VTA1: variants seen among roughly 807,000 people sequenced by gnomAD.
VTA1 encodes the protein vesicle trafficking 1.
Under a neutral mutation model 36.9 loss-of-function variants are expected in VTA1, and 24 were observed. That is an observed-to-expected ratio of 0.65 (90% CI 0.47 to 0.91). VTA1 has a LOEUF of 0.91. VTA1 is among the 40% of genes least tolerant of loss of function. The pLI, the probability that VTA1 is intolerant of heterozygous loss-of-function variation, is 0.00. For synonymous variants in VTA1, 142 were observed against 130.2 expected, an observed-to-expected ratio of 1.09 and a Z score of -0.62; for missense variants, 393 against 377.2, an observed-to-expected ratio of 1.04 and a Z score of -0.35.
intron 5 of VTA1, among the ~76,000 whole-genome samples, chr6:142,190,231 G>A (rs1056177855): frequency 6.6e-6 from 1 of 152,130 alleles, no homozygotes; most frequent in Non-Finnish European, 1.5e-5. Flanking sequence ...AAATTGTAGA[G>A]TATATAAAAA....
At chr6:142,207,929 CA>C (rs986083517) in intron 7 of VTA1, among the ~76,000 whole-genome samples, 2 of 151,062 alleles carry the variant, frequency 1.3e-5, no homozygotes, top group Non-Finnish European at 3.0e-5. Context: ...ACTGAAAATA[CA>C]AAAAAAATTA....
At chr6:142,187,576 A>G (rs1775363412) in intron 4 of VTA1, among the ~76,000 whole-genome samples, 1 of 152,134 alleles carries the variant, frequency 6.6e-6, no homozygotes, top group South Asian at 2.1e-4. Context: ...TCCCCACCCC[A>G]CAGAGTGAAC....
intron 1 of VTA1, among the ~76,000 whole-genome samples, chr6:142,153,032 G>A (rs1778596922): frequency 6.6e-6 from 1 of 151,976 alleles, no homozygotes; most frequent in Admixed American, 6.5e-5. Flanking sequence ...AATTGTTCTT[G>A]TGTGCCCCTC....
intron 4 of VTA1, among the ~76,000 whole-genome samples, chr6:142,187,116 C>T (rs761151818): frequency 5.9e-5 from 9 of 152,112 alleles, no homozygotes; most frequent in Admixed American, 1.3e-4. Flanking sequence ...ATATATAAAA[C>T]ATAATTCATA....
intron 7 of VTA1, among the ~76,000 whole-genome samples, chr6:142,205,679 T>C (rs1462276507): frequency 2.6e-5 from 4 of 152,076 alleles, no homozygotes; most frequent in Non-Finnish European, 5.9e-5. Flanking sequence ...GCTCCAAAAT[T>C]AGAATAGGAA....
chr6:142,162,327 T>C (rs1774826502), intron 1 of VTA1, among the ~76,000 whole-genome samples: 1 of 152,188 alleles, frequency 6.6e-6, no homozygotes, highest in Non-Finnish European at 1.5e-5. Flanking sequence ...AATTGATCTA[T>C]CAAGTAGCTA....
At chr6:142,165,980 C>T (rs867067688) in intron 1 of VTA1, among the ~76,000 whole-genome samples, 95 of 133,398 alleles carry the variant, frequency 7.1e-4, no homozygotes, top group Middle Eastern at 4.1e-3. Context: ...ACCTAGTCCT[C>T]TTTTTTTTTT....
chr6:142,188,755 T>A (rs1775395402), intron 4 of VTA1, among the ~76,000 whole-genome samples: 1 of 151,596 alleles, frequency 6.6e-6, no homozygotes, highest in African/African-American at 2.4e-5. Context: ...ATATTTTTAA[T>A]GCAAATTTTT....
At chr6:142,150,024 A>G (rs909091053) in intron 1 of VTA1, among the ~76,000 whole-genome samples, 2 of 151,586 alleles carry the variant, frequency 1.3e-5, no homozygotes, top group Admixed American at 6.6e-5. Context: ...TCACCTCCCT[A>G]TATTTTATTG....
At chr6:142,164,813 A>C (rs572693901) in intron 1 of VTA1, among the ~76,000 whole-genome samples, 1 of 152,210 alleles carries the variant, frequency 6.6e-6, no homozygotes, top group South Asian at 2.1e-4. Context: ...AGAATGAGCT[A>C]TTCTTTCATT....
At chr6:142,152,540 ATAATAT>A (rs1778587898) in intron 1 of VTA1, among the ~76,000 whole-genome samples, 1 of 152,174 alleles carries the variant, frequency 6.6e-6, no homozygotes, top group African/African-American at 2.4e-5. Flanking sequence ...ATGGCAATAA[ATAATAT>A]TAATACATAA....
chr6:142,214,954 G>C (rs1582908128), intron 7 of VTA1, among the ~76,000 whole-genome samples: 4 of 151,902 alleles, frequency 2.6e-5, no homozygotes, highest in African/African-American at 9.7e-5. Flanking sequence ...TCTCCTTACT[G>C]CTTAGTATTT....
intron 1 of VTA1, among the ~76,000 whole-genome samples, chr6:142,151,094 A>C (rs1269146078): frequency 6.6e-6 from 1 of 152,104 alleles, no homozygotes; most frequent in Non-Finnish European, 1.5e-5. Flanking sequence ...ATCTCCGAAG[A>C]GGGAGGAGTT....
chr6:142,208,085 CAAAAAAAAAA>C (rs567010868), intron 7 of VTA1, among the ~76,000 whole-genome samples: 15 of 99,500 alleles, frequency 1.5e-4, no homozygotes, highest in Non-Finnish European at 2.5e-4. Flanking sequence ...AGACTTCCAT[CAAAAAAAAAA>C]AAAAAAAAAA....
At chr6:142,173,607 G>T (rs1250788905) in intron 4 of VTA1, among the ~76,000 whole-genome samples, 2 of 152,174 alleles carry the variant, frequency 1.3e-5, no homozygotes, top group Non-Finnish European at 2.9e-5. Context: ...TAACAATGGT[G>T]AATCCAGCCA....
intron 5 of VTA1, among the ~76,000 whole-genome samples, chr6:142,198,119 A>ATGTGTGTG (rs71021658): frequency 0.025 from 2,417 of 98,124 alleles, 36 homozygotes; most frequent in East Asian, 0.052. Flanking sequence ...ATATATATAT[A>ATGTGTGTG]TGTGTGTGTG....
At chr6:142,217,023 G>C (rs1776016295) in intron 7 of VTA1, among the ~76,000 whole-genome samples, 1 of 152,152 alleles carries the variant, frequency 6.6e-6, no homozygotes, top group African/African-American at 2.4e-5. Flanking sequence ...TATTTTTCAA[G>C]ATCAGAAATA....
chr6:142,193,982 AGTG>A (rs1174899865), intron 5 of VTA1, among the ~76,000 whole-genome samples: 1 of 152,098 alleles, frequency 6.6e-6, no homozygotes, highest in East Asian at 1.9e-4. Context: ...CTCTGGACTT[AGTG>A]GTGAGACATT....
chr6:142,193,537 A>C (rs192736001), intron 5 of VTA1, among the ~76,000 whole-genome samples: 1 of 152,126 alleles, frequency 6.6e-6, no homozygotes, highest in Non-Finnish European at 1.5e-5. Context: ...TTTCCAGTCT[A>C]TACATAAATA....
Sources: allele counts gnomAD v4.1 joint callset (sites outside exome capture counted in the v4.1 genomes callset), GRCh38; gene constraint gnomAD v4.1.1; transcripts MANE v1.5; gene names NCBI Gene and HGNC (gene_info 2026-07-23, HGNC 2026-07-21).